UBE2H: variants seen among roughly 807,000 people sequenced by gnomAD.
UBE2H encodes the protein ubiquitin-conjugating enzyme E2 H.
In UBE2H, 3 loss-of-function variants were observed where a neutral mutation model predicts 29.0. The observed-to-expected ratio is 0.10, with a 90% confidence interval of 0.05 to 0.27. UBE2H has a LOEUF of 0.27. UBE2H is among the 10% of genes least tolerant of loss of function. UBE2H has a pLI of 1.00. For synonymous variants in UBE2H, 69 were observed against 82.9 expected, an observed-to-expected ratio of 0.83 and a Z score of 0.91; for missense variants, 68 against 228.2, an observed-to-expected ratio of 0.30 and a Z score of 4.52.
intron 3 of UBE2H, among the ~76,000 whole-genome samples, chr7:129,860,978 T>C (rs1173237769): frequency 6.6e-6 from 1 of 152,154 alleles, no homozygotes; most frequent in Non-Finnish European, 1.5e-5. Context: ...TCCCAGCACT[T>C]TGGGAGGCCA....
chr7:129,925,980 A>G (rs533593839), intron 1 of UBE2H, among the ~76,000 whole-genome samples: 12 of 152,232 alleles, frequency 7.9e-5, no homozygotes, highest in Admixed American at 4.6e-4. Context: ...AAGCAATTAC[A>G]TGCTAAATAC....
intron 1 of UBE2H, among the ~76,000 whole-genome samples, chr7:129,897,864 A>G (rs1455680658): frequency 6.6e-6 from 1 of 152,216 alleles, no homozygotes; most frequent in Non-Finnish European, 1.5e-5. Context: ...TTCTGCTTAA[A>G]AACTATACAG....
chr7:129,948,816 TA>T (rs1218945681), intron 1 of UBE2H: 1 of 271,704 alleles, frequency 3.7e-6, no homozygotes, highest in Non-Finnish European at 7.6e-6. Flanking sequence ...TTAATTTTTC[TA>T]AACATTTCTT....
At chr7:129,879,357 G>A (rs550474068) in intron 3 of UBE2H, among the ~76,000 whole-genome samples, 1 of 152,180 alleles carries the variant, frequency 6.6e-6, no homozygotes, top group African/African-American at 2.4e-5. Flanking sequence ...TAAAGTAATG[G>A]TCATTATAAT....
chr7:129,946,156 C>T (rs912367956), intron 1 of UBE2H, among the ~76,000 whole-genome samples: 2 of 150,930 alleles, frequency 1.3e-5, no homozygotes, highest in Non-Finnish European at 3.0e-5. Flanking sequence ...GGGTTCACAC[C>T]ATTCTCCTGC....
At chr7:129,936,147 G>C (rs1318546767) in intron 1 of UBE2H, among the ~76,000 whole-genome samples, 1 of 152,114 alleles carries the variant, frequency 6.6e-6, no homozygotes, top group Non-Finnish European at 1.5e-5. Flanking sequence ...AACTTCATCA[G>C]AACTGACAAA....
intron 1 of UBE2H, chr7:129,951,379 CTTTT>C (rs924932005): frequency 6.6e-6 from 1 of 152,164 alleles, no homozygotes; most frequent in African/African-American, 2.4e-5. Flanking sequence ...GGAGACAGGA[CTTTT>C]AAACTGTGTT....
chr7:129,902,870 A>C (rs1806744781), intron 1 of UBE2H, among the ~76,000 whole-genome samples: 1 of 152,208 alleles, frequency 6.6e-6, no homozygotes, highest in African/African-American at 2.4e-5. Flanking sequence ...AGCCTCTATC[A>C]AGAGGTGTTA....
chr7:129,840,988 T>C (rs1805418589), intron 5 of UBE2H, among the ~76,000 whole-genome samples: 1 of 152,182 alleles, frequency 6.6e-6, no homozygotes. Flanking sequence ...GCGGTGCTAC[T>C]GGCATCCGGT....
intron 1 of UBE2H, among the ~76,000 whole-genome samples, chr7:129,892,146 G>A (rs1010886121): frequency 4.0e-5 from 6 of 151,768 alleles, no homozygotes; most frequent in Non-Finnish European, 8.8e-5. Flanking sequence ...TAGAGACGGG[G>A]TTTCACCGTA....
Position 129,834,702 on chromosome 7 carries a change from C to G in UBE2H, c.*235G>C. On this transcript the variant is annotated 3_prime_UTR_variant, in exon 7 of 7. Transcript: ENST00000355621. ...ACATGGACTCATGAATGCATGCATTCAGACCGCATATTGCTACCAAATGGA... is the reference window on the plus strand; with the variant it reads ...ACATGGACTCATGAATGCATGCATTGAGACCGCATATTGCTACCAAATGGA... 1 of 431,122 alleles carries G rather than the reference C, an allele frequency of 2.3e-6. No homozygotes were observed. The highest frequency in any genetic ancestry group is 4.0e-6 in the Non-Finnish European group (1 of 248,140). 26.7% of individuals were successfully genotyped at this position (431,122 alleles called of 1,614,324 possible).
intron 3 of UBE2H, among the ~76,000 whole-genome samples, chr7:129,871,244 A>G (rs1806023549): frequency 1.3e-5 from 2 of 152,374 alleles, no homozygotes; most frequent in Admixed American, 1.3e-4. Flanking sequence ...AGGATGATGT[A>G]TGCCACAGCC....
rs1805264563 is a variant in UBE2H at position 129,833,324 on chromosome 7, C to A, written c.*1613G>T. 6.6e-6 allele frequency: 1 copy of A among 152,538 alleles called. No individual in the cohort carries two copies. The highest frequency in any genetic ancestry group is 2.1e-4 in the South Asian group (1 of 4,832). 9.4% of individuals were successfully genotyped at this position (152,538 alleles called of 1,614,324 possible). A position where few individuals can be genotyped will look rare whatever the true frequency, so the allele number is the denominator to read the frequency against. On this transcript the variant is annotated 3_prime_UTR_variant, in exon 7 of 7. Coordinates refer to ENST00000355621, the MANE Select transcript of UBE2H (RefSeq NM_003344.4). ...ATACAGCACTTCTAAACTAAAAACA[C>A]ACGTCAAAAAGAAAAATTAAATAAT... is the stretch of plus-strand genomic sequence containing the variant.
At chr7:129,839,523 T>C in intron 5 of UBE2H, 188 bp from the exon 6 acceptor site, 1 of 662,366 alleles carries the variant, frequency 1.5e-6, no homozygotes, top group Admixed American at 3.9e-5. Context: ...ATTTTAATTT[T>C]AATTTGAAGA....
intron 1 of UBE2H, among the ~76,000 whole-genome samples, chr7:129,901,199 T>C (rs74605240): frequency 7.7e-4 from 117 of 152,308 alleles, no homozygotes; most frequent in African/African-American, 2.6e-3. Flanking sequence ...AGATGAGTAT[T>C]TGTATTTAAA....
At chr7:129,838,837 C>T (rs1182124746) in intron 6 of UBE2H, among the ~76,000 whole-genome samples, 4 of 152,136 alleles carry the variant, frequency 2.6e-5, no homozygotes, top group Non-Finnish European at 2.9e-5. Flanking sequence ...TGGGGTTTCA[C>T]CATGTTGGCC....
chr7:129,865,567 TGAA>T (rs1431790983), intron 3 of UBE2H, among the ~76,000 whole-genome samples: 1 of 152,116 alleles, frequency 6.6e-6, no homozygotes, highest in Non-Finnish European at 1.5e-5. Context: ...GGTAAACGGG[TGAA>T]GATCACCAAA....
intron 1 of UBE2H, among the ~76,000 whole-genome samples, chr7:129,893,169 T>C (rs540772776): frequency 4.5e-4 from 69 of 152,322 alleles, no homozygotes; most frequent in African/African-American, 1.6e-3. Flanking sequence ...CATTACCACC[T>C]AGCAGACTAA....
At chr7:129,910,992 A>G (rs996447691) in intron 1 of UBE2H, among the ~76,000 whole-genome samples, 5 of 152,160 alleles carry the variant, frequency 3.3e-5, no homozygotes, top group African/African-American at 1.2e-4. Flanking sequence ...GATTATCTCC[A>G]ACAGTCCAGG....
Sources: gnomAD v4.1 joint callset for allele counts (sites outside exome capture counted in the v4.1 genomes callset) on GRCh38, gnomAD v4.1.1 for gene constraint, MANE v1.5 for transcripts, NCBI Gene and HGNC (gene_info 2026-07-23, HGNC 2026-07-21) for gene names.